The following TPR variants were observed in gnomAD, a reference collection of about 807,000 sequenced individuals.
TPR encodes nucleoprotein TPR.
In TPR, 51 loss-of-function variants were observed where a neutral mutation model predicts 316.1. The ratio of observed to expected loss-of-function variants is 0.16; its 90% CI spans 0.13 to 0.20. The LOEUF is 0.20. TPR is among the 10% of genes least tolerant of loss of function. The pLI, the probability that TPR is intolerant of heterozygous loss-of-function variation, is 1.00. For synonymous variants in TPR, 981 were observed against 914.7 expected (o/e 1.07, Z -1.31); for missense variants, 2,272 against 2,754.8 (o/e 0.82, Z 3.92).
At chr1:186,319,798 A>C (rs1319973391) in intron 46 of TPR, among the ~76,000 whole-genome samples, 3 of 152,222 alleles carry the variant, frequency 2.0e-5, no homozygotes, top group Non-Finnish European at 4.4e-5. Flanking sequence ...CATAATTCAC[A>C]TGTGGAAAAC....
At position 186,358,585 on chromosome 1, in the gene TPR, A is replaced by C. The variant is rs779363932; in HGVS notation, c.1455T>G (p.Asp485Glu). 1.1e-5 allele frequency: 17 copies of C among 1,611,954 alleles called. No homozygotes were observed. The highest frequency in any genetic ancestry group is 4.0e-5 in the African/African-American group (3 of 74,798). Reference protein sequence around the residue: ...ANKQSSVLERDNRRMEIQVKD... With the variant: ...ANKQSSVLERENRRMEIQVKD... ...TTACTTGTATTTCCATTCTTCGATT[A>C]TCTCTCTCAAGTACAGATGATTGCT... The change falls in exon 13 of 51, where the codon GAT becomes GAG. Residue 485 changes from aspartate (D) to glutamate (E), a missense_variant. Asp to Glu is a conservative substitution (Grantham distance 45). Coordinates refer to ENST00000367478, the MANE Select transcript of TPR (RefSeq NM_003292.3).
chr1:186,344,846 T>C (rs559920973), intron 24 of TPR, among the ~76,000 whole-genome samples: 12 of 152,326 alleles, frequency 7.9e-5, no homozygotes, highest in African/African-American at 2.6e-4. Flanking sequence ...TACTAAATTA[T>C]AGATCCATTG....
At chr1:186,353,265 A>C (rs191112311) in intron 18 of TPR, among the ~76,000 whole-genome samples, 2 of 151,750 alleles carry the variant, frequency 1.3e-5, no homozygotes, top group East Asian at 1.9e-4. Context: ...CCAGCTACTC[A>C]GGAGGTTGAG....
At position 186,327,561 on chromosome 1, in the gene TPR, T is replaced by C; in HGVS notation, c.5788A>G (p.Thr1930Ala). ...CCTTGACCATCCTGGGATGAAGTTGTCGTCTGCTGATCTGATTGAAGTGGC... is the reference window on the plus strand; with the variant it reads ...CCTTGACCATCCTGGGATGAAGTTGCCGTCTGCTGATCTGATTGAAGTGGC... ...LGPLQSDQQT[T>A]TSSQDGQGKG... Residue 1930 changes from threonine (T) to alanine (A), a missense_variant, in exon 40 of 51, where the codon ACA (threonine) becomes GCA (alanine). Thr to Ala is a moderately conservative substitution (Grantham distance 58, BLOSUM62 0). Coordinates refer to ENST00000367478, the MANE Select transcript of TPR (RefSeq NM_003292.3). 1 of 1,612,668 alleles carries C rather than the reference T, an allele frequency of 6.2e-7. No individual in the cohort carries two copies. The highest frequency in any genetic ancestry group is 2.2e-5 in the East Asian group (1 of 44,730).
intron 18 of TPR, among the ~76,000 whole-genome samples, chr1:186,353,405 G>C (rs1189264414): frequency 6.6e-6 from 1 of 151,194 alleles, no homozygotes; most frequent in Non-Finnish European, 1.5e-5. Context: ...AAACGTCTTT[G>C]TTAGAACCAA....
rs751712067 is a variant in TPR at position 186,343,490 on chromosome 1, AT to A, written c.3603-18del. On this transcript the variant is annotated intron_variant, in intron 26 of 50. Coordinates refer to ENST00000367478, the MANE Select transcript of TPR (RefSeq NM_003292.3). Reference sequence around the variant, plus strand: ...CGTATAAATCTACAAAAATACAGATATTAAAATTTTATGTGAATTTTAAAAA... The same window carrying A: ...CGTATAAATCTACAAAAATACAGATATAAAATTTTATGTGAATTTTAAAAA... 1 of 1,594,260 alleles carries A rather than the reference AT, an allele frequency of 6.3e-7. No individual in the cohort carries two copies. Among genetic ancestry groups the A allele is most frequent in the Non-Finnish European group, 8.5e-7 (1 of 1,174,136 alleles).
At chr1:186,357,317 G>A in intron 14 of TPR, 80 bp downstream of exon 14, 1 of 1,420,050 alleles carries the variant, frequency 7.0e-7, no homozygotes, top group Non-Finnish European at 9.8e-7. Flanking sequence ...AAAACGTTGG[G>A]ATTACAGGCA....
chr1:186,323,822 G>C lies in TPR; in HGVS notation c.6161C>G (p.Ser2054Cys). Reference sequence around the variant, plus strand: ...TGCTGATGATGGCTGTTGTTCTCTAGAAACCTCCTGAGAAAAAGAAGATTC... The same window carrying C: ...TGCTGATGATGGCTGTTGTTCTCTACAAACCTCCTGAGAAAAAGAAGATTC... Reference protein sequence around the residue: ...AAESSFSQEVSREQQPSSASE... With the variant: ...AAESSFSQEVCREQQPSSASE... Residue 2054 changes from serine (S) to cysteine (C), a missense_variant, in exon 43 of 51, where the codon TCT becomes TGT. By Grantham distance (112) the Ser-to-Cys change is moderately radical. Transcript: ENST00000367478. The C allele has an allele frequency of 6.4e-7, 1 of 1,552,070 alleles. No homozygotes were observed. Among genetic ancestry groups the C allele is most frequent in the African/African-American group, 1.4e-5 (1 of 70,056 alleles).
In TPR at chr1:186,362,244, G is replaced by A. The variant is rs758931885; in HGVS notation, c.789+44C>T. On this transcript the variant is annotated intron_variant, in intron 7 of 50. Coordinates refer to ENST00000367478, the MANE Select transcript of TPR (RefSeq NM_003292.3). ...TTTGTGAAATAACAGCTTCGTAAGTGCTTTAGTATTTTGTAAAAAAGACAT... is the reference window on the plus strand; with the variant it reads ...TTTGTGAAATAACAGCTTCGTAAGTACTTTAGTATTTTGTAAAAAAGACAT... The A allele has an allele frequency of 8.1e-6, 12 of 1,480,272 alleles. No homozygotes were observed. The East Asian group carries it at 2.7e-4, about 34-fold the overall frequency. The allele number at this position is 1,480,272 out of a possible 1,614,324, so 91.7% of individuals were successfully genotyped here. A position where few individuals can be genotyped will look rare whatever the true frequency, so the allele number is the denominator to read the frequency against.
Position 186,314,026 on chromosome 1 carries a change from C to T in TPR, c.7037G>A (p.Gly2346Asp). 1.2e-6 allele frequency: 2 copies of T among 1,609,586 alleles called. No individual in the cohort carries two copies. The highest frequency in any genetic ancestry group is 1.3e-5 in the African/African-American group (1 of 74,914). The change falls in exon 51 of 51, where the codon GGT becomes GAT. Residue 2346 changes from glycine to aspartate, a missense_variant and splice_region_variant. By Grantham distance (94) the Gly-to-Asp change is moderately conservative (BLOSUM62 -1). Transcript: ENST00000367478. The part of the protein sequence containing the change: ...VRGRQFNRQR[G>D]VSHAMGGRGG... ...TCTCCCTCCCATTGCATGGCTCACA[C>T]CTGTAAAAGAAAAAAGAATCAAATT...
chr1:186,326,316 A>T, intron 40 of TPR, 81 bp from the exon 41 acceptor site: 1 of 1,524,770 alleles, frequency 6.6e-7, no homozygotes, highest in African/African-American at 1.4e-5. Context: ...CACACTTAGA[A>T]ATTTAAGTGA....
chr1:186,332,366 A>C, intron 37 of TPR, 23 bp from the exon 38 acceptor site: 1 of 1,609,424 alleles, frequency 6.2e-7, no homozygotes, highest in Non-Finnish European at 8.5e-7. Flanking sequence ...ATAAATCTTG[A>C]ATTAGAGCAT....
Position 186,313,622 on chromosome 1 carries a change from T to A in TPR, c.*349A>T. 1.0e-6 allele frequency: 1 copy of A among 994,834 alleles called. No homozygotes were observed. Among genetic ancestry groups the A allele is most frequent in the Admixed American group, 1.7e-5 (1 of 58,936 alleles). 61.6% of individuals were successfully genotyped at this position (994,834 alleles called of 1,614,324 possible). On this transcript the variant is annotated 3_prime_UTR_variant, in exon 51 of 51. Transcript: ENST00000367478. ...TGAGCATAATAGTCAACATAAGTTATTTTTTAGTTTGGGCATTGTTTTCTT... is the reference window on the plus strand; with the variant it reads ...TGAGCATAATAGTCAACATAAGTTAATTTTTAGTTTGGGCATTGTTTTCTT...
At chr1:186,327,718 A>G (rs1658044461) in intron 39 of TPR, 58 bp from the exon 40 acceptor site, 2 of 1,401,050 alleles carry the variant, frequency 1.4e-6, no homozygotes, top group Non-Finnish European at 1.0e-6. Flanking sequence ...ACCTAAAACT[A>G]TATGTGAGGT....
At chr1:186,354,026 C>T in intron 17 of TPR, 176 bp from the exon 18 acceptor site, 1 of 522,974 alleles carries the variant, frequency 1.9e-6, no homozygotes, top group Non-Finnish European at 3.2e-6. Context: ...GAAATAACTC[C>T]AGGAACAGTT....
Position 186,312,611 on chromosome 1 carries a change from A to G in TPR, c.*1360T>C, listed in dbSNP as rs973022775. Reference sequence around the variant, plus strand: ...TTAGTTATAACCAATACTATTTATCAAGTACTTCTTACCAAGAACATTATA... The same window carrying G: ...TTAGTTATAACCAATACTATTTATCGAGTACTTCTTACCAAGAACATTATA... On this transcript the variant is annotated 3_prime_UTR_variant, in exon 51 of 51. Coordinates refer to ENST00000367478, the MANE Select transcript of TPR (RefSeq NM_003292.3). 3.6e-6 allele frequency: 3 copies of G among 825,166 alleles called. No homozygotes were observed. In the Admixed American group the frequency reaches 7.4e-5, roughly 20 times the overall value. 51.1% of individuals were successfully genotyped at this position (825,166 alleles called of 1,614,324 possible). A position where few individuals can be genotyped will look rare whatever the true frequency, so the allele number is the denominator to read the frequency against.
chr1:186,323,820 T>C lies in TPR; in HGVS notation c.6163A>G (p.Arg2055Gly), dbSNP rs891668316. ...AESSFSQEVS[R>G]EQQPSSASER... The stretch of plus-strand genomic sequence containing the variant: ...GATGCTGATGATGGCTGTTGTTCTC[T>C]AGAAACCTCCTGAGAAAAAGAAGAT... Residue 2055 changes from arginine to glycine, a missense_variant, in exon 43 of 51, where the codon AGA (arginine) becomes GGA (glycine). Coordinates refer to ENST00000367478, the MANE Select transcript of TPR (RefSeq NM_003292.3). The C allele has an allele frequency of 1.2e-5, 19 of 1,553,594 alleles. No individual in the cohort carries two copies. The highest frequency in any genetic ancestry group is 1.3e-5 in the Non-Finnish European group (15 of 1,158,730).
rs1488353774 is a variant in TPR at position 186,344,073 on chromosome 1, A to G, written c.3435T>C (p.Cys1145=). 1.1e-5 allele frequency: 18 copies of G among 1,613,020 alleles called. No individual in the cohort carries two copies. The highest frequency in any genetic ancestry group is 2.7e-5 in the African/African-American group (2 of 74,946). ...ERMLKDEVSK[C]VCRCEDLEKQ... The stretch of plus-strand genomic sequence containing the variant: ...TCTCCAGATCTTCACAGCGACATAC[A>G]CATTTGGAAACTTCATCCTGCAAGC... Residue 1145 remains cysteine, a synonymous_variant, in exon 26 of 51, where the codon TGT becomes TGC. Transcript: ENST00000367478.
chr1:186,335,073 T>C lies in TPR; in HGVS notation c.4968A>G (p.Arg1656=). 1 of 1,612,692 alleles carries C rather than the reference T, an allele frequency of 6.2e-7. No homozygotes were observed. Among genetic ancestry groups the C allele is most frequent in the Non-Finnish European group, 8.5e-7 (1 of 1,179,378 alleles). The change falls in exon 35 of 51, where the codon AGA becomes AGG. Residue 1656 remains arginine (R), a synonymous_variant. Coordinates refer to ENST00000367478, the MANE Select transcript of TPR (RefSeq NM_003292.3). ...ATGAAATAACTAAAACTCACATTCC[T>C]CTTTCACCAGAAGCTGGAGTTGTTT... The part of the protein sequence containing the change: ...TLKTTPASGE[R]GIASTSDPPT...
Sources: allele counts gnomAD v4.1 joint callset (sites outside exome capture counted in the v4.1 genomes callset), GRCh38; gene constraint gnomAD v4.1.1; transcripts MANE v1.5; gene names NCBI Gene and HGNC (gene_info 2026-07-23, HGNC 2026-07-21).